The following CELF2 variants were observed in gnomAD, a reference collection of about 807,000 sequenced individuals.
The protein encoded by CELF2 is CUGBP Elav-like family member 2.
A neutral mutation model predicts 62.6 loss-of-function variants in CELF2; 8 were observed. That is an observed-to-expected ratio of 0.13 (90% CI 0.07 to 0.23). CELF2 has a LOEUF of 0.23. Among genes scored for constraint, CELF2 ranks in the 10% least tolerant of loss-of-function variants. The pLI is 1.00. For synonymous variants in CELF2, 258 were observed against 250.0 expected (o/e 1.03, Z -0.30); for missense variants, 333 against 671.0 (o/e 0.50, Z 5.56).
chr10:10,574,225 C>T, the CELF2 span, among the ~76,000 whole-genome samples: 1 of 152,176 alleles, frequency 6.6e-6, no homozygotes, highest in Non-Finnish European at 1.5e-5. Context: ...CCCACAGGCA[C>T]TGCAGACCAA....
the CELF2 span, among the ~76,000 whole-genome samples, chr10:10,766,396 G>A: frequency 6.6e-6 from 1 of 152,212 alleles, no homozygotes; most frequent in Admixed American, 6.5e-5. Flanking sequence ...ATATGGAGTA[G>A]ATCAGTAGGT....
At chr10:10,503,351 A>T in the CELF2 span, among the ~76,000 whole-genome samples, 2 of 151,756 alleles carry the variant, frequency 1.3e-5, no homozygotes, top group Non-Finnish European at 3.0e-5. Context: ...CTAATTGCGA[A>T]TTTTTCTACT....
At chr10:10,631,950 C>T in the CELF2 span, among the ~76,000 whole-genome samples, 70 of 152,070 alleles carry the variant, frequency 4.6e-4, no homozygotes, top group Non-Finnish European at 9.0e-4. Flanking sequence ...TTCCTTCAAG[C>T]GTAAAGTGAT....
chr10:10,843,555 C>T (rs1174712292), intron 1 of CELF2, among the ~76,000 whole-genome samples: 2 of 151,778 alleles, frequency 1.3e-5, no homozygotes, highest in African/African-American at 4.8e-5. Flanking sequence ...CTATATTTGT[C>T]AAAATTTTTG....
chr10:11,164,275 A>T (rs2066424855), intron 1 of CELF2, among the ~76,000 whole-genome samples: 1 of 152,174 alleles, frequency 6.6e-6, no homozygotes, highest in African/African-American at 2.4e-5. Context: ...AGGGGGCACA[A>T]AAAGGGTACA....
intron 1 of CELF2, among the ~76,000 whole-genome samples, chr10:11,095,340 G>A (rs374011501): frequency 1.4e-4 from 22 of 152,160 alleles, no homozygotes; most frequent in Admixed American, 1.2e-3. Context: ...GGTAGCTGGC[G>A]GTTGTGTGCG....
rs1475720612 is a variant in CELF2, at chr10:11,098,132, ATGT to A, written c.75-67350_75-67348del. ...GTCACGTGGCTAGTGAAGGTTGAGC[ATGT>A]TGTGTGTGTGAAGGATGAGGTGTGT... On this transcript the variant is annotated intron_variant, in intron 1 of 12. Transcript: ENST00000633077. This position sits in a 1 kb window ranked among gnomAD's most constrained non-coding sequence, Gnocchi z 4.0. 1 of 152,516 alleles carries A rather than the reference ATGT, an allele frequency of 6.6e-6. No individual in the cohort carries two copies. The highest frequency in any genetic ancestry group is 1.5e-5 in the Non-Finnish European group (1 of 68,262). The allele number at this position is 152,516 out of a possible 1,614,324, so 9.4% of individuals were successfully genotyped here.
chr10:10,728,072 T>C, the CELF2 span, among the ~76,000 whole-genome samples: 2 of 151,656 alleles, frequency 1.3e-5, no homozygotes, highest in Non-Finnish European at 2.9e-5. Context: ...GGGAAGTCTC[T>C]GTCTAGAGAT....
chr10:11,099,070 G>T (rs567111763), intron 1 of CELF2, among the ~76,000 whole-genome samples: 15 of 152,322 alleles, frequency 9.8e-5, no homozygotes, highest in African/African-American at 3.6e-4. Flanking sequence ...ACAACCCTTT[G>T]CCCCACACAG....
the CELF2 span, among the ~76,000 whole-genome samples, chr10:10,669,761 C>T: frequency 5.9e-5 from 9 of 152,312 alleles, no homozygotes; most frequent in South Asian, 1.4e-3. Context: ...CGTTTATATT[C>T]ACAAGATATT....
intron 1 of CELF2, among the ~76,000 whole-genome samples, chr10:10,915,591 CTGTTTT>C (rs777493262): frequency 5.9e-5 from 9 of 152,060 alleles, no homozygotes; most frequent in South Asian, 4.2e-4. Flanking sequence ...TTTGTTTTTT[CTGTTTT>C]TGTTTTTGTT....
the CELF2 span, among the ~76,000 whole-genome samples, chr10:10,618,099 T>A: frequency 0.084 from 12,796 of 152,116 alleles, 832 homozygotes; most frequent in African/African-American, 0.17. Context: ...CCATCATCTC[T>A]TGCCTGGATT....
chr10:10,915,802 T>A (rs2064276486), intron 1 of CELF2, among the ~76,000 whole-genome samples: 2 of 152,216 alleles, frequency 1.3e-5, no homozygotes, highest in Non-Finnish European at 2.9e-5. Context: ...ACAGTTTCTT[T>A]TACTGGAATG....
intron 1 of CELF2, among the ~76,000 whole-genome samples, chr10:11,066,179 C>T (rs1237091451): frequency 6.6e-6 from 1 of 152,128 alleles, no homozygotes; most frequent in Non-Finnish European, 1.5e-5. Context: ...GGGATTTGAG[C>T]AGAAGAATGA....
the CELF2 span, among the ~76,000 whole-genome samples, chr10:10,610,500 A>G: frequency 6.6e-6 from 1 of 152,186 alleles, no homozygotes; most frequent in Non-Finnish European, 1.5e-5. Flanking sequence ...GACATGTTTG[A>G]TGGTTCATTT....
At position 11,039,176 on chromosome 10, in the gene CELF2, G is replaced by A. The variant is rs975081138; in HGVS notation, c.74+21013G>A. ...GTGGAGGACACTGAGAGCAGAAACCGTGATGCAGTGAGCCTTCTGCCCACA... is the reference window on the plus strand; with the variant it reads ...GTGGAGGACACTGAGAGCAGAAACCATGATGCAGTGAGCCTTCTGCCCACA... On this transcript the variant is annotated intron_variant, in intron 1 of 12. Transcript: ENST00000633077. This position sits in a 1 kb window ranked among gnomAD's most constrained non-coding sequence, Gnocchi z 4.1. 6.6e-6 allele frequency among the ~76,000 whole-genome samples: 1 copy of A among 152,214 alleles called. No homozygotes were observed. The highest frequency in any genetic ancestry group is 1.5e-5 in the Non-Finnish European group (1 of 68,032).
the CELF2 span, among the ~76,000 whole-genome samples, chr10:10,698,474 A>G: frequency 6.6e-6 from 1 of 152,240 alleles, no homozygotes; most frequent in Non-Finnish European, 1.5e-5. Context: ...ATACATATGT[A>G]ACATTCTTTT....
chr10:10,655,874 G>T, the CELF2 span, among the ~76,000 whole-genome samples: 2 of 134,956 alleles, frequency 1.5e-5, no homozygotes, highest in African/African-American at 5.4e-5. Context: ...TGACAAATGG[G>T]ATCTCATTAA....
intron 1 of CELF2, among the ~76,000 whole-genome samples, chr10:11,092,941 TTTC>T (rs975994734): frequency 4.6e-5 from 7 of 152,218 alleles, no homozygotes; most frequent in African/African-American, 1.7e-4. Flanking sequence ...CAGCTCAACT[TTTC>T]TTTGCACTTG....
Sources: allele counts gnomAD v4.1 joint callset (sites outside exome capture counted in the v4.1 genomes callset), GRCh38; gene constraint gnomAD v4.1.1; non-coding constraint Gnocchi (gnomAD v3.1); transcripts MANE v1.5; gene names NCBI Gene and HGNC (gene_info 2026-07-23, HGNC 2026-07-21).